The following PLXNB1 variants were observed in gnomAD, a reference collection of about 807,000 sequenced individuals.
PLXNB1 encodes plexin-B1.
In PLXNB1, 106 loss-of-function variants were observed where a neutral mutation model predicts 209.4. That is an observed-to-expected ratio of 0.51 (90% CI 0.43 to 0.59). The LOEUF (loss-of-function observed/expected upper bound fraction) is 0.59. Among genes scored for constraint, PLXNB1 ranks in the 20% least tolerant of loss-of-function variants. The pLI, the probability that PLXNB1 is intolerant of heterozygous loss-of-function variation, is 0.00. For synonymous variants in PLXNB1, 1,167 were observed against 1,183.2 expected (o/e 0.99, Z 0.28); for missense variants, 2,357 against 2,853.2 (o/e 0.83, Z 3.96).
At chr3:48,414,665 C>T in intron 21 of PLXNB1, 134 bp downstream of exon 21, 1 of 1,202,618 alleles carries the variant, frequency 8.3e-7, no homozygotes, top group Non-Finnish European at 1.2e-6. Context: ...CTGCCCCCAC[C>T]ACAGCAAGGA....
rs1040024317 is a variant in PLXNB1, at chr3:48,419,808, G to A, written c.2478C>T (p.Thr826=). 6.3e-7 allele frequency: 1 copy of A among 1,591,710 alleles called. No individual in the cohort carries two copies. The highest frequency in any genetic ancestry group is 1.3e-5 in the African/African-American group (1 of 74,600). The part of the protein sequence containing the change: ...LDLPPATVPA[T]TFPGAMGSVK... ...CGGAGCCCATGGCCCCTGGGAAAGT[G>A]GTGGCAGGAACAGTGGCAGGGGGCA... The change falls in exon 11 of 38, where the codon ACC becomes ACT. Residue 826 remains threonine, a synonymous_variant. Coordinates refer to ENST00000296440, the MANE Select transcript of PLXNB1 (RefSeq NM_001130082.3). This position sits in a 1 kb window ranked among gnomAD's most constrained non-coding sequence, Gnocchi z 5.7.
At position 48,416,958 on chromosome 3, in the gene PLXNB1, T is replaced by C. The variant is rs935058532; in HGVS notation, c.3375-507A>G. On this transcript the variant is annotated intron_variant, in intron 16 of 37. Transcript: ENST00000296440. This position sits in a 1 kb window ranked among gnomAD's most constrained non-coding sequence, Gnocchi z 4.1. Reference sequence around the variant, plus strand: ...GGTTCTTAGCCAGAAAATAGAAGCTTGGGCAAATTAAACTTCCAGAGTGTT... The same window carrying C: ...GGTTCTTAGCCAGAAAATAGAAGCTCGGGCAAATTAAACTTCCAGAGTGTT... 7 of 152,322 alleles carry C rather than the reference T, an allele frequency of 4.6e-5. No individual in the cohort carries two copies. The highest frequency in any genetic ancestry group is 1.3e-4 in the Admixed American group (2 of 15,280). 9.4% of individuals were successfully genotyped at this position (152,322 alleles called of 1,614,324 possible). A position where few individuals can be genotyped will look rare whatever the true frequency, so the allele number is the denominator to read the frequency against.
chr3:48,404,328 A>G lies in PLXNB1; in HGVS notation c.*158T>C. 1 of 591,682 alleles carries G rather than the reference A, an allele frequency of 1.7e-6. No homozygotes were observed. Among genetic ancestry groups the G allele is most frequent in the Admixed American group, 3.1e-5 (1 of 32,014 alleles). The allele number at this position is 591,682 out of a possible 1,614,324, so 36.7% of individuals were successfully genotyped here. On this transcript the variant is annotated 3_prime_UTR_variant, in exon 38 of 38. Coordinates refer to ENST00000296440, the MANE Select transcript of PLXNB1 (RefSeq NM_001130082.3). ...GGCCCCGGGTCTAGGAGGTGGATCC[A>G]GCAGGGCCGAGGCCAGAGCCACCAG...
Position 48,404,439 on chromosome 3 carries a change from C to A in PLXNB1, c.*47G>T. ...TGGCCTCTCCTCCGAGCTTCCAGGG[C>A]TGCCCAGGCCAGGCTGAAGCAACAG... On this transcript the variant is annotated 3_prime_UTR_variant, in exon 38 of 38. Transcript: ENST00000296440. The A allele has an allele frequency of 7.6e-7, 1 of 1,322,214 alleles. No homozygotes were observed. The highest frequency in any genetic ancestry group is 1.1e-6 in the Non-Finnish European group (1 of 927,278). The allele number at this position is 1,322,214 out of a possible 1,614,324, so 81.9% of individuals were successfully genotyped here.
chr3:48,409,797 A>T lies in PLXNB1; in HGVS notation c.5779-66T>A, dbSNP rs2037545783. On this transcript the variant is annotated intron_variant, in intron 32 of 37. Transcript: ENST00000296440. This position sits in a 1 kb window ranked among gnomAD's most constrained non-coding sequence, Gnocchi z 5.8. ...GCCCTCAGCAGCAGCCCAGCCTCAG[A>T]CACCCCCCGGCACTGTGCCTGCACG... The T allele has an allele frequency of 5.0e-6, 8 of 1,585,772 alleles. No homozygotes were observed. Among genetic ancestry groups the T allele is most frequent in the Non-Finnish European group, 6.9e-6 (8 of 1,161,992 alleles).
In PLXNB1 at chr3:48,420,850, C is replaced by T. The variant is rs773208409; in HGVS notation, c.1917G>A (p.Ala639=). The stretch of plus-strand genomic sequence containing the variant: ...TGGGGACAGGGCGAGGAACTCACTG[C>T]GCAGATGGGCGGAGTTCAGTGACCG... The part of the protein sequence containing the change: ...CVAVTELRPS[A]QCQACVSSRW... Residue 639 remains alanine (A), a splice_region_variant and synonymous_variant, in exon 9 of 38, where the codon GCG becomes GCA. Coordinates refer to ENST00000296440, the MANE Select transcript of PLXNB1 (RefSeq NM_001130082.3). 1.1e-5 allele frequency: 17 copies of T among 1,613,278 alleles called. No individual in the cohort carries two copies. The highest frequency in any genetic ancestry group is 1.6e-4 in the Middle Eastern group (1 of 6,080).
In PLXNB1 at chr3:48,424,331, G is replaced by A. The variant is rs1343371064; in HGVS notation, c.281C>T (p.Thr94Ile). Residue 94 changes from threonine (T) to isoleucine (I), a missense_variant, in exon 3 of 38, where the codon ACC becomes ATC. This residue lies in a region of PLXNB1 where 107 missense variants were observed against 167.2 expected (regional missense o/e 0.64). Transcript: ENST00000296440. ...CAGGAGCAGCTGATTCGGGTTGTTG[G>A]TAGGCTGGGCCTGGGGGCACTCATC... ...MPDECPQAQP[T>I]NNPNQLLLVS... is the part of the protein sequence containing the mutation. 1.9e-6 allele frequency: 3 copies of A among 1,556,626 alleles called. No homozygotes were observed. The highest frequency in any genetic ancestry group is 2.6e-6 in the Non-Finnish European group (3 of 1,149,840).
intron 1 of PLXNB1, among the ~76,000 whole-genome samples, chr3:48,428,340 T>C (rs1173588443): frequency 6.6e-6 from 1 of 152,130 alleles, no homozygotes. Flanking sequence ...TCTGAGGCCC[T>C]GCTCAGACTC....
chr3:48,416,248 G>C lies in PLXNB1; in HGVS notation c.3481-81C>G. On this transcript the variant is annotated intron_variant, in intron 17 of 37. Coordinates refer to ENST00000296440, the MANE Select transcript of PLXNB1 (RefSeq NM_001130082.3). The surrounding 1 kb of genome is among the most constrained non-coding windows in gnomAD (Gnocchi z 4.1). ...ACAGCCTGAGAGACAGGCTGGCCCA[G>C]GACTGGGAGCCCCACCAAGGAATAA... is the stretch of plus-strand genomic sequence containing the variant. The C allele has an allele frequency of 6.4e-7, 1 of 1,554,856 alleles. No homozygotes were observed. Among genetic ancestry groups the C allele is most frequent in the Non-Finnish European group, 8.8e-7 (1 of 1,138,888 alleles).
intron 1 of PLXNB1, among the ~76,000 whole-genome samples, chr3:48,425,805 A>AACAC (rs1166591503): frequency 0.067 from 9,668 of 145,240 alleles, 648 homozygotes; most frequent in African/African-American, 0.17. Flanking sequence ...ATATGCCTAC[A>AACAC]ACACACACAC....
Position 48,414,864 on chromosome 3 carries a change from G to A in PLXNB1, c.4144C>T (p.Pro1382Ser), listed in dbSNP as rs1392750901. Reference sequence around the variant, plus strand: ...ATGGTGGGGTCCTCAGGGTTGAGTGGCTGCAGGGTGGGGTCGGCCTCATAG... The same window carrying A: ...ATGGTGGGGTCCTCAGGGTTGAGTGACTGCAGGGTGGGGTCGGCCTCATAG... ...FSYEADPTLQPLNPEDPTMPF... is the reference protein window; with the variant it reads ...FSYEADPTLQSLNPEDPTMPF... Residue 1382 changes from proline to serine, a missense_variant, in exon 21 of 38, where the codon CCA becomes TCA. This residue lies in a region of PLXNB1 where 743 missense variants were observed against 896.2 expected (regional missense o/e 0.83). Coordinates refer to ENST00000296440, the MANE Select transcript of PLXNB1 (RefSeq NM_001130082.3). 6 of 1,614,094 alleles carry A rather than the reference G, an allele frequency of 3.7e-6. No individual in the cohort carries two copies. Among genetic ancestry groups the A allele is most frequent in the Non-Finnish European group, 2.5e-6 (3 of 1,180,030 alleles).
chr3:48,428,691 C>G (rs2039021963), intron 1 of PLXNB1, among the ~76,000 whole-genome samples: 1 of 152,192 alleles, frequency 6.6e-6, no homozygotes, highest in African/African-American at 2.4e-5. Flanking sequence ...GTGCCCGCTG[C>G]CCGCCCTGTT....
intron 1 of PLXNB1, among the ~76,000 whole-genome samples, chr3:48,427,746 C>T (rs1379706316): frequency 6.6e-6 from 1 of 152,182 alleles, no homozygotes; most frequent in Non-Finnish European, 1.5e-5. Flanking sequence ...CCCTCGCTAT[C>T]CCATTAACTC....
Position 48,409,818 on chromosome 3 carries a change from G to T in PLXNB1, c.5778+87C>A. On this transcript the variant is annotated intron_variant, in intron 32 of 37. Transcript: ENST00000296440. This position sits in a 1 kb window ranked among gnomAD's most constrained non-coding sequence, Gnocchi z 5.8. ...TCAGACACCCCCCGGCACTGTGCCT[G>T]CACGAGCCCCACACCACCCCCAAAT... 2 of 1,574,470 alleles carry T rather than the reference G, an allele frequency of 1.3e-6. No individual in the cohort carries two copies. The highest frequency in any genetic ancestry group is 8.7e-7 in the Non-Finnish European group (1 of 1,154,060).
At position 48,413,842 on chromosome 3, in the gene PLXNB1, C is replaced by T; in HGVS notation, c.4387-24G>A. The stretch of plus-strand genomic sequence containing the variant: ...ACCTGTGTCAGGAGCCACCTGTGAG[C>T]AAGGGTTTGGCCCAGGTCAATGCCC... On this transcript the variant is annotated intron_variant, in intron 22 of 37. Transcript: ENST00000296440. The surrounding 1 kb of genome is among the most constrained non-coding windows in gnomAD (Gnocchi z 5.4). 1 of 1,610,986 alleles carries T rather than the reference C, an allele frequency of 6.2e-7. No individual in the cohort carries two copies. Among genetic ancestry groups the T allele is most frequent in the African/African-American group, 1.3e-5 (1 of 75,018 alleles).
chr3:48,409,515 G>A lies in PLXNB1; in HGVS notation c.5940-39C>T, dbSNP rs746020332. On this transcript the variant is annotated intron_variant, in intron 33 of 37. Coordinates refer to ENST00000296440, the MANE Select transcript of PLXNB1 (RefSeq NM_001130082.3). This position sits in a 1 kb window ranked among gnomAD's most constrained non-coding sequence, Gnocchi z 5.8. ...AGGCATGGCCGATGAATGTGCTGGGGAGGCAGAAGAGAAGACCCCCCACAC... is the reference window on the plus strand; with the variant it reads ...AGGCATGGCCGATGAATGTGCTGGGAAGGCAGAAGAGAAGACCCCCCACAC... The A allele has an allele frequency of 5.6e-6, 9 of 1,613,912 alleles. No individual in the cohort carries two copies. Among genetic ancestry groups the A allele is most frequent in the Non-Finnish European group, 5.1e-6 (6 of 1,179,964 alleles).
At position 48,409,534 on chromosome 3, in the gene PLXNB1, C is replaced by T. The variant is rs2037525237; in HGVS notation, c.5939+37G>A. The stretch of plus-strand genomic sequence containing the variant: ...GCTGGGGAGGCAGAAGAGAAGACCC[C>T]CCACACACACCTAGAGCCCACCCAG... On this transcript the variant is annotated intron_variant, in intron 33 of 37. Transcript: ENST00000296440. This position sits in a 1 kb window ranked among gnomAD's most constrained non-coding sequence, Gnocchi z 5.8. 1 of 1,613,878 alleles carries T rather than the reference C, an allele frequency of 6.2e-7. No homozygotes were observed. Among genetic ancestry groups the T allele is most frequent in the Admixed American group, 1.7e-5 (1 of 60,016 alleles).
chr3:48,418,545 G>A lies in PLXNB1; in HGVS notation c.2956-3C>T, dbSNP rs756581136. 6.3e-7 allele frequency: 1 copy of A among 1,586,608 alleles called. No individual in the cohort carries two copies. Among genetic ancestry groups the A allele is most frequent in the Non-Finnish European group, 8.6e-7 (1 of 1,166,998 alleles). ...GGCTGCAGAGCCTCATAGCTGAGCT[G>A]GAGAAATGGGAGTGGGTTCAGAGTC... is the stretch of plus-strand genomic sequence containing the variant. On this transcript the variant is annotated splice_polypyrimidine_tract_variant and splice_region_variant and intron_variant, in intron 13 of 37. Coordinates refer to ENST00000296440, the MANE Select transcript of PLXNB1 (RefSeq NM_001130082.3). The surrounding 1 kb of genome is among the most constrained non-coding windows in gnomAD (Gnocchi z 6.6).
Position 48,407,210 on chromosome 3 carries a change from C to T in PLXNB1, c.6088-119G>A, listed in dbSNP as rs572886878. Reference sequence around the variant, plus strand: ...TCAGTTTTGAAAAGGAAAAGTCTCACATCCCAGGAAGCCCCTGAGTCCCGG... The same window carrying T: ...TCAGTTTTGAAAAGGAAAAGTCTCATATCCCAGGAAGCCCCTGAGTCCCGG... On this transcript the variant is annotated intron_variant, in intron 34 of 37. Coordinates refer to ENST00000296440, the MANE Select transcript of PLXNB1 (RefSeq NM_001130082.3). 1.3e-5 allele frequency: 12 copies of T among 913,924 alleles called. No homozygotes were observed. The East Asian group carries it at 3.1e-4, about 23-fold the overall frequency. 56.6% of individuals were successfully genotyped at this position (913,924 alleles called of 1,614,324 possible). A position where few individuals can be genotyped will look rare whatever the true frequency, so the allele number is the denominator to read the frequency against.
Sources: allele counts gnomAD v4.1 joint callset (sites outside exome capture counted in the v4.1 genomes callset), GRCh38; gene constraint gnomAD v4.1.1; regional missense constraint gnomAD v4.1.1; non-coding constraint Gnocchi (gnomAD v3.1); transcripts MANE v1.5; gene names NCBI Gene and HGNC (gene_info 2026-07-23, HGNC 2026-07-21).